Variants in ITCH observed in about 807,000 individuals in gnomAD.
ITCH encodes the protein E3 ubiquitin-protein ligase Itchy homolog.
In ITCH, 28 loss-of-function variants were observed where a neutral mutation model predicts 126.8. The ratio of observed to expected loss-of-function variants is 0.22; its 90% CI spans 0.16 to 0.30. The LOEUF (loss-of-function observed/expected upper bound fraction) is 0.30. Among genes scored for constraint, ITCH ranks in the 10% least tolerant of loss-of-function variants. ITCH has a pLI of 1.00. For synonymous variants in ITCH, 342 were observed against 340.0 expected (o/e 1.01, Z -0.06); for missense variants, 631 against 1,032.4 (o/e 0.61, Z 5.33).
chr20:34,462,361 T>C (rs1986620003), intron 14 of ITCH, 140 bp downstream of exon 14: 1 of 863,086 alleles, frequency 1.2e-6, no homozygotes, highest in South Asian at 1.5e-5. Context: ...ATTAAGTATT[T>C]TGCATTTCCA....
At chr20:34,473,486 T>C (rs1038084932) in intron 16 of ITCH, among the ~76,000 whole-genome samples, 3 of 152,184 alleles carry the variant, frequency 2.0e-5, no homozygotes, top group Non-Finnish European at 2.9e-5. Flanking sequence ...CACCTGGGGC[T>C]GTGCGACCTG....
intron 2 of ITCH, among the ~76,000 whole-genome samples, chr20:34,377,578 ATATGGCTGGG>A (rs1297156892): frequency 1.1e-4 from 17 of 152,114 alleles, no homozygotes; most frequent in African/African-American, 4.1e-4. Flanking sequence ...GAGATAACTG[ATATGGCTGGG>A]CGCGGTGGCT....
chr20:34,385,229 T>TTG (rs1342491422), intron 2 of ITCH, among the ~76,000 whole-genome samples: 1 of 145,948 alleles, frequency 6.9e-6, no homozygotes. Context: ...GTGGTTTTTT[T>TTG]TTTTTTTTTT....
intron 6 of ITCH, among the ~76,000 whole-genome samples, chr20:34,414,945 T>A (rs965594592): frequency 3.1e-4 from 47 of 152,240 alleles, no homozygotes; most frequent in African/African-American, 1.1e-3. Flanking sequence ...CTAGTGTGTG[T>A]TAAAGGAAAA....
intron 21 of ITCH, among the ~76,000 whole-genome samples, chr20:34,489,601 T>C (rs1989372409): frequency 6.6e-6 from 1 of 152,226 alleles, no homozygotes; most frequent in South Asian, 2.1e-4. Context: ...TTAGAGCTTC[T>C]CTACAATTGA....
intron 7 of ITCH, among the ~76,000 whole-genome samples, chr20:34,431,138 C>T (rs1982236935): frequency 6.6e-6 from 1 of 152,146 alleles, no homozygotes; most frequent in Admixed American, 6.5e-5. Context: ...CCTGGCAGGG[C>T]ATGGTGGCTA....
At chr20:34,385,714 C>T (rs1464835067) in intron 2 of ITCH, among the ~76,000 whole-genome samples, 1 of 152,114 alleles carries the variant, frequency 6.6e-6, no homozygotes, top group Non-Finnish European at 1.5e-5. Context: ...GTTGTAGCTT[C>T]CTCTTTTTCT....
At chr20:34,403,383 C>T (rs2038951266) in intron 3 of ITCH, among the ~76,000 whole-genome samples, 1 of 152,080 alleles carries the variant, frequency 6.6e-6, no homozygotes, top group African/African-American at 2.4e-5. Context: ...AAACTATTTG[C>T]ATTAGTATGT....
chr20:34,484,865 C>T (rs531881002), intron 20 of ITCH, among the ~76,000 whole-genome samples: 28 of 152,280 alleles, frequency 1.8e-4, no homozygotes, highest in Middle Eastern at 3.4e-3. Flanking sequence ...CATATAGCAT[C>T]ATGTCCATGT....
chr20:34,433,721 A>G (rs1207943644), intron 7 of ITCH, among the ~76,000 whole-genome samples: 1 of 152,012 alleles, frequency 6.6e-6, no homozygotes, highest in Non-Finnish European at 1.5e-5. Flanking sequence ...GTATGTCTAT[A>G]TATAATTTTC....
In ITCH at chr20:34,369,384, C is replaced by G. The variant is rs1450344541; in HGVS notation, c.-98-10C>G. The G allele has an allele frequency of 5.0e-6, 2 of 398,934 alleles. No individual in the cohort carries two copies. The highest frequency in any genetic ancestry group is 8.8e-6 in the Non-Finnish European group (2 of 226,102). The allele number at this position is 398,934 out of a possible 1,614,324, so 24.7% of individuals were successfully genotyped here. On this transcript the variant is annotated splice_polypyrimidine_tract_variant and intron_variant, in intron 1 of 24. Coordinates refer to ENST00000374864, the MANE Select transcript of ITCH (RefSeq NM_031483.7). ...AGTAATGTGTTAATGGACTCTCCTT[C>G]CTTTCTCAGGTACCATGCATTTCAC...
rs752161809 is a variant in ITCH at position 34,440,222 on chromosome 20, G to GACAAAT, written c.763_768dup (p.Asn255_Thr256dup). 4.3e-5 allele frequency: 70 copies of GACAAAT among 1,613,426 alleles called. No homozygotes were observed. Among genetic ancestry groups the GACAAAT allele is most frequent in the South Asian group, 1.6e-4 (15 of 91,064 alleles). The stretch of plus-strand genomic sequence containing the variant: ...GGTCTAGTACAGGCTCTCTGCCGCC[G>GACAAAT]ACAAATACAAATACAAATACATCTG... On this transcript the variant is annotated inframe_insertion, in exon 9 of 25. Coordinates refer to ENST00000374864, the MANE Select transcript of ITCH (RefSeq NM_031483.7).
chr20:34,476,524 T>G, intron 16 of ITCH: 2 of 1,081,834 alleles, frequency 1.8e-6, no homozygotes, highest in Non-Finnish European at 2.3e-6. Flanking sequence ...AGTTTTAACC[T>G]TGTGACATTT....
At chr20:34,421,698 A>G (rs1464921812) in intron 6 of ITCH, among the ~76,000 whole-genome samples, 1 of 152,130 alleles carries the variant, frequency 6.6e-6, no homozygotes, top group Non-Finnish European at 1.5e-5. Context: ...GCTTCACTTT[A>G]TATTGGAGTG....
chr20:34,370,492 C>T (rs1449721168), intron 2 of ITCH, among the ~76,000 whole-genome samples: 1 of 151,876 alleles, frequency 6.6e-6, no homozygotes, highest in South Asian at 2.1e-4. Flanking sequence ...GGTGAAACTC[C>T]ATCTCTACTA....
chr20:34,507,925 T>C lies in ITCH; in HGVS notation c.*131T>C. ...TATCTGAGTGTAAGTAAATTAATGT[T>C]CTCATTTAGATTTATCTCCCAGTGA... On this transcript the variant is annotated 3_prime_UTR_variant, in exon 25 of 25. Transcript: ENST00000374864. 1 of 712,258 alleles carries C rather than the reference T, an allele frequency of 1.4e-6. No individual in the cohort carries two copies. Among genetic ancestry groups the C allele is most frequent in the South Asian group, 1.5e-5 (1 of 66,232 alleles). The allele number at this position is 712,258 out of a possible 1,614,324, so 44.1% of individuals were successfully genotyped here.
At chr20:34,391,366 T>A (rs987963280) in intron 2 of ITCH, among the ~76,000 whole-genome samples, 2 of 152,212 alleles carry the variant, frequency 1.3e-5, no homozygotes, top group African/African-American at 4.8e-5. Flanking sequence ...TGTTTTAGTT[T>A]GCAAAAATAA....
intron 2 of ITCH, among the ~76,000 whole-genome samples, chr20:34,373,205 C>G (rs1335359902): frequency 2.0e-5 from 3 of 151,828 alleles, no homozygotes; most frequent in African/African-American, 4.8e-5. Flanking sequence ...AACTCCTGAC[C>G]TCAAATAATC....
chr20:34,435,779 TGAAACTACTAGG>T (rs1021040455), intron 7 of ITCH, among the ~76,000 whole-genome samples: 1 of 152,082 alleles, frequency 6.6e-6, no homozygotes, highest in Admixed American at 6.6e-5. Context: ...GTGAAGGAAT[TGAAACTACTAGG>T]GAAAGTAGCC....
Sources: allele counts gnomAD v4.1 joint callset (sites outside exome capture counted in the v4.1 genomes callset), GRCh38; gene constraint gnomAD v4.1.1; transcripts MANE v1.5; gene names NCBI Gene and HGNC (gene_info 2026-07-23, HGNC 2026-07-21).